Variants in PTPN4 observed in about 807,000 individuals in gnomAD.
PTPN4 encodes tyrosine-protein phosphatase non-receptor type 4.
In PTPN4, 49 loss-of-function variants were observed where a neutral mutation model predicts 135.5. That is an observed-to-expected ratio of 0.36 (90% CI 0.29 to 0.46). The LOEUF (loss-of-function observed/expected upper bound fraction) is 0.46. Among genes scored for constraint, PTPN4 ranks in the 20% least tolerant of loss-of-function variants. The pLI is 1.00. For synonymous variants in PTPN4, 333 were observed against 369.9 expected (o/e 0.90, Z 1.14); for missense variants, 860 against 1,101.0 (o/e 0.78, Z 3.10).
chr2:119,831,305 G>GGAC (rs1488192522), intron 2 of PTPN4, among the ~76,000 whole-genome samples: 3 of 152,140 alleles, frequency 2.0e-5, no homozygotes, highest in Non-Finnish European at 4.4e-5. Flanking sequence ...AGCAGGCCAT[G>GGAC]GACTGATACT....
intron 11 of PTPN4, 46 bp from the exon 12 acceptor site, chr2:119,920,023 T>A: frequency 6.4e-7 from 1 of 1,561,266 alleles, no homozygotes; most frequent in Non-Finnish European, 8.6e-7. Context: ...GAGCATTAGA[T>A]CCTGACATTT....
intron 2 of PTPN4, among the ~76,000 whole-genome samples, chr2:119,823,439 T>G (rs1186592499): frequency 6.6e-6 from 1 of 152,142 alleles, no homozygotes; most frequent in Non-Finnish European, 1.5e-5. Flanking sequence ...TTCACCATAT[T>G]AGCCAGGATG....
intron 13 of PTPN4, among the ~76,000 whole-genome samples, chr2:119,930,682 C>T (rs1476860738): frequency 6.6e-6 from 1 of 151,982 alleles, no homozygotes; most frequent in Non-Finnish European, 1.5e-5. Flanking sequence ...TCTTTTTACA[C>T]GTTTAACATA....
chr2:119,771,098 AGACTCCCATGCTGTGAG>A (rs1368846277), intron 1 of PTPN4, among the ~76,000 whole-genome samples: 1 of 152,164 alleles, frequency 6.6e-6, no homozygotes, highest in Non-Finnish European at 1.5e-5. Context: ...GATTACCTTG[AGACTCCCATGCTGTGAG>A]GAAGCCCAAA....
intron 15 of PTPN4, among the ~76,000 whole-genome samples, chr2:119,943,835 G>A (rs12468015): frequency 5.3e-5 from 8 of 151,514 alleles, no homozygotes; most frequent in Non-Finnish European, 8.8e-5. Flanking sequence ...CTCGTGATCC[G>A]CCCACCCCGG....
At chr2:119,879,201 A>G (rs1201674386) in intron 5 of PTPN4, among the ~76,000 whole-genome samples, 1 of 152,156 alleles carries the variant, frequency 6.6e-6, no homozygotes, top group East Asian at 1.9e-4. Context: ...TTTATAATGT[A>G]CTTCACTTGA....
intron 10 of PTPN4, among the ~76,000 whole-genome samples, chr2:119,903,512 C>T (rs1678439024): frequency 6.6e-6 from 1 of 151,906 alleles, no homozygotes; most frequent in East Asian, 1.9e-4. Flanking sequence ...CACCTCCAGA[C>T]ACTGTTGGAG....
intron 1 of PTPN4, among the ~76,000 whole-genome samples, chr2:119,774,853 C>T (rs1056705663): frequency 3.3e-5 from 5 of 151,826 alleles, no homozygotes; most frequent in Middle Eastern, 3.4e-3. Flanking sequence ...GGTGAAACCC[C>T]GTCTACTAAA....
At chr2:119,853,653 A>G (rs754704276) in intron 2 of PTPN4, among the ~76,000 whole-genome samples, 62 of 152,264 alleles carry the variant, frequency 4.1e-4, no homozygotes, top group Non-Finnish European at 8.2e-4. Context: ...ATTTTTCTAT[A>G]TACATTAGGA....
intron 1 of PTPN4, among the ~76,000 whole-genome samples, chr2:119,800,879 T>G (rs1001759404): frequency 1.3e-5 from 2 of 152,164 alleles, no homozygotes; most frequent in Non-Finnish European, 2.9e-5. Context: ...GCTGTACTTG[T>G]GTGGTAATTC....
chr2:119,950,735 T>C (rs1408777009), intron 18 of PTPN4, among the ~76,000 whole-genome samples: 1 of 152,224 alleles, frequency 6.6e-6, no homozygotes, highest in Admixed American at 6.5e-5. Flanking sequence ...TTTTCATTGC[T>C]ATGTTCCCAG....
In PTPN4 at chr2:119,900,787, C is replaced by T. The variant is rs1451229797; in HGVS notation, c.745C>T (p.Arg249Ter). ...AATTCTGATTTATAAGAACAGGGTA[C>T]GAATGAATACCTTTCCATGGTAAGA... ...GGILIYKNRV[R>*]MNTFPWLKIV... The change falls in exon 10 of 27, where the codon CGA (arginine) becomes TGA (stop). Residue 249 changes from arginine to a stop codon, truncating the protein, a stop_gained. Coordinates refer to ENST00000263708, the MANE Select transcript of PTPN4 (RefSeq NM_002830.4). LOFTEE classifies it high-confidence loss of function. 7 of 1,564,910 alleles carry T rather than the reference C, an allele frequency of 4.5e-6. No homozygotes were observed. Among genetic ancestry groups the T allele is most frequent in the Non-Finnish European group, 6.1e-6 (7 of 1,149,276 alleles).
chr2:119,865,372 T>A (rs1558748881), intron 3 of PTPN4, among the ~76,000 whole-genome samples: 1 of 152,152 alleles, frequency 6.6e-6, no homozygotes, highest in Non-Finnish European at 1.5e-5. Context: ...CATTTTATTC[T>A]CACAATACTT....
At position 119,926,816 on chromosome 2, in the gene PTPN4, G is replaced by T. The variant is rs555791331; in HGVS notation, c.1070+150G>T. 150 of 606,858 alleles carry T rather than the reference G, an allele frequency of 2.5e-4. 2 individuals are homozygous for T. In the South Asian group the frequency reaches 3.5e-3, roughly 14 times the overall value. 37.6% of individuals were successfully genotyped at this position (606,858 alleles called of 1,614,324 possible). On this transcript the variant is annotated intron_variant, in intron 13 of 26. Transcript: ENST00000263708. ...TCACAATTCTTTAACAGTAAATAATGTTGAGGGAATGATAAACTAGCTTGT... is the reference window on the plus strand; with the variant it reads ...TCACAATTCTTTAACAGTAAATAATTTTGAGGGAATGATAAACTAGCTTGT...
chr2:119,760,089 C>T lies in PTPN4; in HGVS notation c.-313C>T, dbSNP rs977276686. 21 of 386,056 alleles carry T rather than the reference C, an allele frequency of 5.4e-5. No individual in the cohort carries two copies. Among genetic ancestry groups the T allele is most frequent in the Non-Finnish European group, 8.7e-5 (19 of 218,518 alleles). 23.9% of individuals were successfully genotyped at this position (386,056 alleles called of 1,614,324 possible). ...CGGGGTCGGAGGATTGGGGCCAGGC[C>T]CCCTCCCCCACGCACTTTTGGGGGT... On this transcript the variant is annotated 5_prime_UTR_variant, in exon 1 of 27. Transcript: ENST00000263708.
At chr2:119,969,215 G>T (rs146889218) in intron 26 of PTPN4, among the ~76,000 whole-genome samples, 1 of 152,150 alleles carries the variant, frequency 6.6e-6, no homozygotes, top group African/African-American at 2.4e-5. Flanking sequence ...ATCTCACTAT[G>T]TTGCTTAGGC....
At chr2:119,950,345 CAAAA>C (rs1434071176) in intron 18 of PTPN4, among the ~76,000 whole-genome samples, 1 of 152,108 alleles carries the variant, frequency 6.6e-6, no homozygotes, top group Non-Finnish European at 1.5e-5. Flanking sequence ...CATAAGTAGA[CAAAA>C]AAGCAACTTG....
At position 119,977,166 on chromosome 2, in the gene PTPN4, A is replaced by G; in HGVS notation, c.*96A>G. On this transcript the variant is annotated 3_prime_UTR_variant, in exon 27 of 27. Transcript: ENST00000263708. ...TCGCAGGAAATGGCATTTTACAAAA[A>G]AAAAATGAAGAACTCAAAAAAACTT... 2 of 1,389,026 alleles carry G rather than the reference A, an allele frequency of 1.4e-6. No individual in the cohort carries two copies. The highest frequency in any genetic ancestry group is 1.9e-6 in the Non-Finnish European group (2 of 1,068,746). The allele number at this position is 1,389,026 out of a possible 1,614,324, so 86.0% of individuals were successfully genotyped here.
intron 26 of PTPN4, 121 bp from the exon 27 acceptor site, chr2:119,976,863 C>T (rs1574429706): frequency 6.9e-7 from 1 of 1,459,768 alleles, no homozygotes; most frequent in Non-Finnish European, 9.0e-7. Flanking sequence ...TATCTTTATG[C>T]AGTTTTGTTT....
Sources: gnomAD v4.1 joint callset for allele counts (sites outside exome capture counted in the v4.1 genomes callset) on GRCh38, gnomAD v4.1.1 for gene constraint, MANE v1.5 for transcripts, NCBI Gene and HGNC (gene_info 2026-07-23, HGNC 2026-07-21) for gene names.